The following PRKCE variants were observed in gnomAD, a reference collection of about 807,000 sequenced individuals.
PRKCE encodes protein kinase C epsilon type.
PRKCE carries 16 observed loss-of-function variants against 85.4 expected under a neutral mutation model. That is an observed-to-expected ratio of 0.19 (90% CI 0.13 to 0.28). The LOEUF (loss-of-function observed/expected upper bound fraction) is 0.28, where lower values mean the gene tolerates loss of function less well. PRKCE is among the 10% of genes least tolerant of loss of function. PRKCE has a pLI of 1.00. For synonymous variants in PRKCE, 388 were observed against 371.5 expected, an observed-to-expected ratio of 1.04 and a Z score of -0.51; for missense variants, 573 against 975.2, an observed-to-expected ratio of 0.59 and a Z score of 5.49.
At chr2:46,042,573 G>C (rs904759824) in intron 10 of PRKCE, among the ~76,000 whole-genome samples, 1 of 152,226 alleles carries the variant, frequency 6.6e-6, no homozygotes, top group African/African-American at 2.4e-5. Flanking sequence ...GCATGGCCGA[G>C]ACCTGCTTTT....
chr2:45,797,284 C>G (rs905612517), intron 1 of PRKCE, among the ~76,000 whole-genome samples: 1 of 152,164 alleles, frequency 6.6e-6, no homozygotes, highest in Non-Finnish European at 1.5e-5. Flanking sequence ...AAACCCCTAC[C>G]AGAAATAAGC....
chr2:46,047,999 C>G (rs1004645163), intron 10 of PRKCE, among the ~76,000 whole-genome samples: 13 of 152,200 alleles, frequency 8.5e-5, no homozygotes, highest in African/African-American at 9.7e-5. Flanking sequence ...GGAAGACTAA[C>G]TCACATATTA....
chr2:45,898,756 A>C (rs1025303512), intron 2 of PRKCE, among the ~76,000 whole-genome samples: 2 of 152,212 alleles, frequency 1.3e-5, no homozygotes, highest in African/African-American at 4.8e-5. Flanking sequence ...TATTGTAACC[A>C]GATCAGGATT....
chr2:45,834,444 C>A (rs1204571701), intron 1 of PRKCE, among the ~76,000 whole-genome samples: 1 of 152,070 alleles, frequency 6.6e-6, no homozygotes, highest in Non-Finnish European at 1.5e-5. Flanking sequence ...TGTAAATGGG[C>A]GTAGAATAAA....
chr2:45,736,827 G>A (rs1419098744), intron 1 of PRKCE, among the ~76,000 whole-genome samples: 2 of 152,238 alleles, frequency 1.3e-5, no homozygotes, highest in African/African-American at 4.8e-5. Flanking sequence ...GTAAGCGACT[G>A]TGGATTCTGC....
At chr2:45,930,962 G>T (rs566223041) in intron 2 of PRKCE, among the ~76,000 whole-genome samples, 1 of 152,196 alleles carries the variant, frequency 6.6e-6, no homozygotes, top group African/African-American at 2.4e-5. Context: ...GCGTGCTGCT[G>T]TTGGGCACAT....
At chr2:46,170,605 A>G (rs1678801037) in intron 14 of PRKCE, among the ~76,000 whole-genome samples, 1 of 152,330 alleles carries the variant, frequency 6.6e-6, no homozygotes, top group African/African-American at 2.4e-5. Context: ...CCAGATATAC[A>G]GTGTTTTTTT....
At chr2:46,055,211 G>C (rs188987204) in intron 10 of PRKCE, among the ~76,000 whole-genome samples, 1 of 152,182 alleles carries the variant, frequency 6.6e-6, no homozygotes, top group African/African-American at 2.4e-5. Context: ...GGGGCTTCAG[G>C]GATCACAGCC....
At chr2:46,044,127 C>T (rs1292855364) in intron 10 of PRKCE, among the ~76,000 whole-genome samples, 1 of 152,160 alleles carries the variant, frequency 6.6e-6, no homozygotes, top group East Asian at 1.9e-4. Flanking sequence ...TAAAAGTACG[C>T]ACTGGGGACT....
chr2:46,146,234 A>G (rs905263300), intron 12 of PRKCE, among the ~76,000 whole-genome samples: 2 of 152,280 alleles, frequency 1.3e-5, no homozygotes, highest in Non-Finnish European at 2.9e-5. Flanking sequence ...GACAATCAAA[A>G]TGATCTTCAT....
intron 10 of PRKCE, among the ~76,000 whole-genome samples, chr2:46,029,686 T>TG (rs941954015): frequency 2.7e-5 from 1 of 37,500 alleles, no homozygotes; most frequent in African/African-American, 2.3e-4. Flanking sequence ...GTCGTATGGG[T>TG]TTTTTTTTTT....
chr2:46,101,883 A>C (rs1045985080), intron 11 of PRKCE, among the ~76,000 whole-genome samples: 3 of 141,332 alleles, frequency 2.1e-5, no homozygotes, highest in Non-Finnish European at 3.1e-5. Context: ...AAAAAAAAAA[A>C]CCCAAAACCC....
intron 2 of PRKCE, among the ~76,000 whole-genome samples, chr2:45,870,468 T>A (rs1694003811): frequency 6.6e-6 from 1 of 152,210 alleles, no homozygotes; most frequent in South Asian, 2.1e-4. Flanking sequence ...ACATCAGCTA[T>A]TGATTTGGGC....
Position 45,704,229 on chromosome 2 carries a change from A to G in PRKCE, c.348+51781A>G, listed in dbSNP as rs150392202. ...AAAAGAATCTATATGTGCTTCTTCA[A>G]GGTAGTATATCTCAAGGAAACTATT... On this transcript the variant is annotated intron_variant, in intron 1 of 14. Transcript: ENST00000306156. Among the ~76,000 whole-genome samples, 924 of 152,314 alleles carry G rather than the reference A, an allele frequency of 6.1e-3. 10 individuals are homozygous for G. The highest frequency in any genetic ancestry group is 0.021 in the African/African-American group (868 of 41,560).
intron 1 of PRKCE, among the ~76,000 whole-genome samples, chr2:45,682,907 G>A (rs1677020988): frequency 6.6e-6 from 1 of 152,156 alleles, no homozygotes; most frequent in Non-Finnish European, 1.5e-5. Context: ...AAATTGAGGT[G>A]TTCCTGGCAT....
intron 1 of PRKCE, among the ~76,000 whole-genome samples, chr2:45,807,213 G>T (rs1688311631): frequency 6.6e-6 from 1 of 152,222 alleles, no homozygotes; most frequent in African/African-American, 2.4e-5. Flanking sequence ...TTGCAATGTT[G>T]CTGTAAAGAG....
rs377638736 is a variant in PRKCE at position 45,749,865 on chromosome 2, G to A, written c.349-93135G>A. Among the ~76,000 whole-genome samples the A allele has an allele frequency of 2.1e-4, 32 of 152,304 alleles. No individual in the cohort carries two copies. The East Asian group carries it at 3.8e-3, about 18-fold the overall frequency. ...ACAGGACATAGGTTGATAAACTAAAGTATAAATGCCACTTATCCTGGCTCA... is the reference window on the plus strand; with the variant it reads ...ACAGGACATAGGTTGATAAACTAAAATATAAATGCCACTTATCCTGGCTCA... On this transcript the variant is annotated intron_variant, in intron 1 of 14. Coordinates refer to ENST00000306156, the MANE Select transcript of PRKCE (RefSeq NM_005400.3).
intron 10 of PRKCE, among the ~76,000 whole-genome samples, chr2:46,037,340 AAGCAAAGTCTC>A (rs1266646953): frequency 6.6e-6 from 1 of 152,214 alleles, no homozygotes; most frequent in African/African-American, 2.4e-5. Flanking sequence ...GCCTATCTGC[AAGCAAAGTCTC>A]AGCCTCGCTC....
Position 45,787,791 on chromosome 2 carries a change from G to A in PRKCE, c.349-55209G>A, listed in dbSNP as rs149016850. On this transcript the variant is annotated intron_variant, in intron 1 of 14. Transcript: ENST00000306156. Reference sequence around the variant, plus strand: ...ATGGATTTTTGCATCTAAAGAAAGTGTCTGGGTAGTGGGATGTATGACCTC... The same window carrying A: ...ATGGATTTTTGCATCTAAAGAAAGTATCTGGGTAGTGGGATGTATGACCTC... 1.9e-4 allele frequency among the ~76,000 whole-genome samples: 29 copies of A among 152,326 alleles called. 1 individual carries two copies. The East Asian group carries it at 5.2e-3, about 27-fold the overall frequency.
Sources: allele counts gnomAD v4.1 joint callset (sites outside exome capture counted in the v4.1 genomes callset), GRCh38; gene constraint gnomAD v4.1.1; transcripts MANE v1.5; gene names NCBI Gene and HGNC (gene_info 2026-07-23, HGNC 2026-07-21).